The following RHBDL2 variants were observed in gnomAD, a reference collection of about 807,000 sequenced individuals.
RHBDL2 encodes rhomboid like 2, also known as rhomboid-related protein 2.
A neutral mutation model predicts 31.7 loss-of-function variants in RHBDL2; 26 were observed. The ratio of observed to expected loss-of-function variants is 0.82; its 90% CI spans 0.60 to 1.14. The LOEUF (loss-of-function observed/expected upper bound fraction) is 1.14, where lower values mean the gene tolerates loss of function less well. Among genes scored for constraint, RHBDL2 ranks in the 50% most tolerant of loss-of-function variants. The pLI is 0.00. For missense variants in RHBDL2, 336 were observed against 364.4 expected, an observed-to-expected ratio of 0.92 and a Z score of 0.63; for synonymous variants, 123 against 127.2, an observed-to-expected ratio of 0.97 and a Z score of 0.22.
At chr1:38,912,883 C>CATATATATATATATATATATAT (rs141150431) in intron 3 of RHBDL2, among the ~76,000 whole-genome samples, 9 of 106,588 alleles carry the variant, frequency 8.4e-5, no homozygotes, top group African/African-American at 3.4e-4. Flanking sequence ...TACCATATAC[C>CATATATATATATATATATATAT]ATATATATAT....
chr1:38,902,045 A>T (rs1369656896), intron 4 of RHBDL2, among the ~76,000 whole-genome samples: 3 of 151,582 alleles, frequency 2.0e-5, no homozygotes, highest in Non-Finnish European at 4.4e-5. Flanking sequence ...ACCCAACAAC[A>T]ACTGATCTCA....
chr1:38,915,598 G>C lies in RHBDL2; in HGVS notation c.359C>G (p.Ala120Gly). The C allele has an allele frequency of 6.2e-7, 1 of 1,614,080 alleles. No individual in the cohort carries two copies. The part of the protein sequence containing the change: ...FIYSPEKREE[A>G]WRFISYMLVH... ...CAGCATGTATGAGATAAACCTCCAGGCTTCCTCCCTCTTCTCAGGACTGTA... is the reference window on the plus strand; with the variant it reads ...CAGCATGTATGAGATAAACCTCCAGCCTTCCTCCCTCTTCTCAGGACTGTA... The change falls in exon 3 of 8, where the codon GCC becomes GGC. Residue 120 changes from alanine (A) to glycine (G), a missense_variant. Coordinates refer to ENST00000372990, the MANE Select transcript of RHBDL2 (RefSeq NM_017821.5).
chr1:38,928,222 A>G (rs1195576575), intron 1 of RHBDL2, among the ~76,000 whole-genome samples: 3 of 149,916 alleles, frequency 2.0e-5, no homozygotes, highest in East Asian at 3.9e-4. Context: ...GCTCACTGCA[A>G]CCTCCACCTC....
At chr1:38,929,412 A>T in intron 1 of RHBDL2, 1 of 1,289,392 alleles carries the variant, frequency 7.8e-7, no homozygotes, top group Non-Finnish European at 1.0e-6. Flanking sequence ...TCTTCGCCTC[A>T]CCCAGGAAGG....
chr1:38,920,692 C>T (rs1215508154), intron 1 of RHBDL2, among the ~76,000 whole-genome samples: 4 of 149,166 alleles, frequency 2.7e-5, no homozygotes, highest in Non-Finnish European at 4.5e-5. Flanking sequence ...CTGCAACCTC[C>T]GCCTCCCGGG....
At chr1:38,919,888 T>G (rs1445776939) in intron 1 of RHBDL2, among the ~76,000 whole-genome samples, 2 of 152,068 alleles carry the variant, frequency 1.3e-5, no homozygotes, top group Non-Finnish European at 2.9e-5. Context: ...TTTTAACCAT[T>G]TAGAGTGTAC....
chr1:38,903,853 G>A (rs1269013895), intron 4 of RHBDL2, among the ~76,000 whole-genome samples: 1 of 152,176 alleles, frequency 6.6e-6, no homozygotes, highest in African/African-American at 2.4e-5. Flanking sequence ...TGGTATTGGT[G>A]TAAAGATATA....
chr1:38,914,784 C>G (rs1340466576), intron 3 of RHBDL2, among the ~76,000 whole-genome samples: 1 of 151,624 alleles, frequency 6.6e-6, no homozygotes, highest in African/African-American at 2.4e-5. Flanking sequence ...AATCCCAGCA[C>G]TTTGGGAGGC....
intron 5 of RHBDL2, among the ~76,000 whole-genome samples, chr1:38,895,391 G>A (rs1642905697): frequency 1.3e-5 from 2 of 151,990 alleles, no homozygotes; most frequent in South Asian, 2.1e-4. Flanking sequence ...TGTTAACAAC[G>A]TCTTTCACCA....
At position 38,924,845 on chromosome 1, in the gene RHBDL2, G is replaced by A. The variant is rs191965028; in HGVS notation, c.-125-5508C>T. On this transcript the variant is annotated intron_variant, in intron 1 of 7. Transcript: ENST00000372990. ...TTGCCAGGCTGGAGTGCAATGGTGCGATCTCGGCTCACCACAACCTCTACA... is the reference window on the plus strand; with the variant it reads ...TTGCCAGGCTGGAGTGCAATGGTGCAATCTCGGCTCACCACAACCTCTACA... Among the ~76,000 whole-genome samples the A allele has an allele frequency of 7.5e-5, 11 of 146,358 alleles. No individual in the cohort carries two copies. In the East Asian group the frequency reaches 1.9e-3, roughly 25 times the overall value.
intron 5 of RHBDL2, among the ~76,000 whole-genome samples, chr1:38,894,454 C>T (rs1244445897): frequency 6.6e-6 from 1 of 151,960 alleles, no homozygotes; most frequent in African/African-American, 2.4e-5. Context: ...TCCAGAGTAG[C>T]TGGGACTACA....
intron 4 of RHBDL2, among the ~76,000 whole-genome samples, chr1:38,910,413 G>A (rs911660105): frequency 1.2e-4 from 18 of 152,036 alleles, no homozygotes; most frequent in African/African-American, 4.3e-4. Context: ...TACAATTATC[G>A]CAAAATTAAA....
At chr1:38,923,308 G>A (rs376941473) in intron 1 of RHBDL2, among the ~76,000 whole-genome samples, 157 of 152,256 alleles carry the variant, frequency 1.0e-3, no homozygotes, top group African/African-American at 3.7e-3. Flanking sequence ...ATATTACAAG[G>A]ATATTCATGC....
intron 2 of RHBDL2, 51 bp from the exon 3 acceptor site, chr1:38,915,761 G>A (rs745643393): frequency 6.2e-6 from 10 of 1,603,604 alleles, no homozygotes; most frequent in Non-Finnish European, 7.7e-6. Flanking sequence ...CCAGAGAGGG[G>A]CCCCATCCAA....
intron 4 of RHBDL2, 124 bp from the exon 5 acceptor site, chr1:38,896,193 T>G: frequency 1.5e-6 from 1 of 684,012 alleles, no homozygotes; most frequent in Non-Finnish European, 2.5e-6. Context: ...AACAAATCTA[T>G]TTTGCCCCTT....
At chr1:38,898,985 C>T (rs1557610249) in intron 4 of RHBDL2, among the ~76,000 whole-genome samples, 1 of 152,184 alleles carries the variant, frequency 6.6e-6, no homozygotes, top group Non-Finnish European at 1.5e-5. Flanking sequence ...GACAAAACCA[C>T]ACACTGCAGA....
chr1:38,907,549 T>A (rs922299804), intron 4 of RHBDL2, among the ~76,000 whole-genome samples: 1 of 148,376 alleles, frequency 6.7e-6, no homozygotes, highest in Non-Finnish European at 1.5e-5. Context: ...TCAAAATAAA[T>A]AAATACATAA....
intron 4 of RHBDL2, among the ~76,000 whole-genome samples, chr1:38,905,892 C>T (rs1643059166): frequency 1.3e-5 from 2 of 151,624 alleles, no homozygotes; most frequent in African/African-American, 4.9e-5. Context: ...ATAATGAAAC[C>T]CCATCTCTAC....
rs577422378 is a variant in RHBDL2, at chr1:38,940,770, G to A, written c.-126+912C>T. Among the ~76,000 whole-genome samples, 56 of 152,244 alleles carry A rather than the reference G, an allele frequency of 3.7e-4. 1 individual carries two copies. Among genetic ancestry groups the A allele is most frequent in the Admixed American group, 3.2e-3 (49 of 15,280 alleles). On this transcript the variant is annotated intron_variant, in intron 1 of 7. Transcript: ENST00000372990. ...ATAAAAATATCATTTTGAGCTGGCC[G>A]CCGTGCCTCAGTTAACTCAGGAAGC...
Sources: gnomAD v4.1 joint callset for allele counts (sites outside exome capture counted in the v4.1 genomes callset) on GRCh38, gnomAD v4.1.1 for gene constraint, MANE v1.5 for transcripts, NCBI Gene and HGNC (gene_info 2026-07-23, HGNC 2026-07-21) for gene names.